NSMCE1: variants seen among roughly 807,000 people sequenced by gnomAD.
The protein encoded by NSMCE1 is NSE1 component of SMC5/6 complex, also known as non-structural maintenance of chromosomes element 1 homolog.
Under a neutral mutation model 29.6 loss-of-function variants are expected in NSMCE1, and 18 were observed. The ratio of observed to expected loss-of-function variants is 0.61; its 90% confidence interval spans 0.42 to 0.90. The LOEUF is 0.90. Ranked by LOEUF, NSMCE1 falls within the 40% of genes least tolerant of loss-of-function variation. The probability of loss-of-function intolerance (pLI) is 0.00; values close to 1 mark genes in which losing one functional copy is unlikely to be tolerated. For synonymous variants in NSMCE1, 124 were observed against 133.4 expected (o/e 0.93, Z 0.49); for missense variants, 314 against 343.6 (o/e 0.91, Z 0.68).
chr16:27,258,148 T>G (rs1359518702), intron 1 of NSMCE1: 3 of 152,238 alleles, frequency 2.0e-5, no homozygotes, highest in Admixed American at 6.5e-5. Flanking sequence ...AATGTTAGTT[T>G]CCTCCTCTCC....
chr16:27,227,260 GTGCCTCCCAGCACTTC>G (rs1021340260), intron 5 of NSMCE1, among the ~76,000 whole-genome samples: 48 of 152,250 alleles, frequency 3.2e-4, no homozygotes, highest in East Asian at 9.6e-4. Context: ...AGCATCCCTG[GTGCCTCCCAGCACTTC>G]TGCCTCCCAG....
intron 1 of NSMCE1, among the ~76,000 whole-genome samples, chr16:27,267,896 C>G (rs1399242080): frequency 6.6e-6 from 1 of 152,054 alleles, no homozygotes; most frequent in Non-Finnish European, 1.5e-5. Context: ...CACGCACCAC[C>G]ACGCCCGGCT....
Position 27,225,110 on chromosome 16 carries a change from G to T in NSMCE1, c.*47C>A. The T allele has an allele frequency of 9.2e-7, 1 of 1,087,044 alleles. No homozygotes were observed. The highest frequency in any genetic ancestry group is 1.4e-6 in the Non-Finnish European group (1 of 716,794). 67.3% of individuals were successfully genotyped at this position (1,087,044 alleles called of 1,614,324 possible). A position where few individuals can be genotyped will look rare whatever the true frequency, so the allele number is the denominator to read the frequency against. Reference sequence around the variant, plus strand: ...CGCCTTTCTTCCAAGAAGGGCTGTGGCGATCAGGCCACTCAAGGCAGCCAG... The same window carrying T: ...CGCCTTTCTTCCAAGAAGGGCTGTGTCGATCAGGCCACTCAAGGCAGCCAG... On this transcript the variant is annotated 3_prime_UTR_variant, in exon 8 of 8. Transcript: ENST00000361439.
intron 2 of NSMCE1, among the ~76,000 whole-genome samples, chr16:27,238,727 A>G (rs2083855773): frequency 6.6e-6 from 1 of 152,018 alleles, no homozygotes; most frequent in Non-Finnish European, 1.5e-5. Context: ...GGACAAAAGG[A>G]AGCTTGGAGG....
chr16:27,225,991 C>T (rs948007067), intron 6 of NSMCE1, 145 bp from the exon 7 acceptor site: 120 of 914,006 alleles, frequency 1.3e-4, no homozygotes, highest in Non-Finnish European at 1.8e-4. Flanking sequence ...TAATCCCAAA[C>T]GCCTTAGTGC....
intron 2 of NSMCE1, among the ~76,000 whole-genome samples, chr16:27,247,711 G>A (rs780615641): frequency 2.0e-5 from 3 of 152,276 alleles, no homozygotes; most frequent in East Asian, 1.9e-4. Context: ...CAGATCACGA[G>A]GTGAGGGGAT....
chr16:27,258,227 CA>C (rs1284272249), intron 1 of NSMCE1: 4 of 152,248 alleles, frequency 2.6e-5, no homozygotes, highest in Admixed American at 2.6e-4. Flanking sequence ...TGCTCACTAA[CA>C]AAATGGGATC....
At chr16:27,239,172 G>A (rs999214840) in intron 2 of NSMCE1, among the ~76,000 whole-genome samples, 5 of 152,078 alleles carry the variant, frequency 3.3e-5, no homozygotes, top group Admixed American at 6.6e-5. Flanking sequence ...GCCCAGCCCC[G>A]ACACATTCCT....
rs2083779435 is a variant in NSMCE1, at chr16:27,233,068, T to C, written c.416A>G (p.Lys139Arg). ...ILNLVDQLKG[K>R]KMRKKEAEQV... is the part of the protein sequence containing the mutation. ...CTCCGCTTCCTTCTTCCTCATCTTC[T>C]TGCCTTTAAGTTGATCAACCAGGTT... Residue 139 changes from lysine (K) to arginine (R), a missense_variant, in exon 5 of 8, where the codon AAG becomes AGG. Lys to Arg is a conservative substitution (Grantham distance 26). Transcript: ENST00000361439. The C allele has an allele frequency of 5.0e-6, 8 of 1,614,096 alleles. No homozygotes were observed. Among genetic ancestry groups the C allele is most frequent in the Non-Finnish European group, 6.8e-6 (8 of 1,179,954 alleles).
chr16:27,262,973 A>T (rs1000573565), intron 1 of NSMCE1, among the ~76,000 whole-genome samples: 2 of 152,260 alleles, frequency 1.3e-5, no homozygotes, highest in African/African-American at 4.8e-5. Context: ...CATTAGAGAA[A>T]TGCAAATCAA....
At chr16:27,259,929 G>T (rs1380612588) in intron 1 of NSMCE1, among the ~76,000 whole-genome samples, 1 of 152,140 alleles carries the variant, frequency 6.6e-6, no homozygotes, top group Non-Finnish European at 1.5e-5. Context: ...ATAACGAGCT[G>T]AAGACTGAGG....
intron 2 of NSMCE1, among the ~76,000 whole-genome samples, chr16:27,254,939 G>A (rs1349829266): frequency 7.2e-6 from 1 of 138,196 alleles, no homozygotes; most frequent in Non-Finnish European, 1.5e-5. Context: ...GAGTGCAGGG[G>A]CAGGATCTCA....
chr16:27,241,038 C>T (rs1302988331), intron 2 of NSMCE1, among the ~76,000 whole-genome samples: 1 of 152,180 alleles, frequency 6.6e-6, no homozygotes, highest in Non-Finnish European at 1.5e-5. Context: ...CGCATCACTG[C>T]ATTCTAGCCT....
At chr16:27,238,460 G>A (rs1039124657) in intron 2 of NSMCE1, among the ~76,000 whole-genome samples, 4 of 151,466 alleles carry the variant, frequency 2.6e-5, no homozygotes, top group South Asian at 2.1e-4. Flanking sequence ...GTGTCCAGCC[G>A]CCGCCCCAAG....
intron 2 of NSMCE1, among the ~76,000 whole-genome samples, chr16:27,238,700 C>T (rs1382822996): frequency 6.6e-6 from 1 of 152,084 alleles, no homozygotes; most frequent in Non-Finnish European, 1.5e-5. Flanking sequence ...GCCAGACACT[C>T]TCCCAATCTG....
intron 2 of NSMCE1, among the ~76,000 whole-genome samples, chr16:27,248,117 G>T (rs1053188261): frequency 3.9e-5 from 6 of 152,116 alleles, no homozygotes; most frequent in African/African-American, 1.4e-4. Flanking sequence ...TGGACAACTA[G>T]GTGTTCACAT....
intron 2 of NSMCE1, chr16:27,241,908 C>T (rs781245001): frequency 2.0e-5 from 9 of 445,204 alleles, no homozygotes; most frequent in South Asian, 6.3e-5. Context: ...GGACAGGAAG[C>T]GACAAAGTCT....
chr16:27,266,154 C>CT (rs1567287113), intron 1 of NSMCE1, among the ~76,000 whole-genome samples: 1 of 152,084 alleles, frequency 6.6e-6, no homozygotes, highest in Non-Finnish European at 1.5e-5. Flanking sequence ...GGGAGGACTG[C>CT]TTGAGGCCAG....
chr16:27,230,951 G>A (rs2083756185), intron 5 of NSMCE1: 1 of 152,522 alleles, frequency 6.6e-6, no homozygotes, highest in Non-Finnish European at 1.5e-5. Flanking sequence ...AGACACCAAG[G>A]GCAGACAAAG....
Sources: allele counts gnomAD v4.1 joint callset (sites outside exome capture counted in the v4.1 genomes callset), GRCh38; gene constraint gnomAD v4.1.1; transcripts MANE v1.5; gene names NCBI Gene and HGNC (gene_info 2026-07-23, HGNC 2026-07-21).